CYRIA: variants seen among roughly 807,000 people sequenced by gnomAD.
CYRIA encodes CYFIP-related Rac1 interactor A.
A neutral mutation model predicts 43.9 loss-of-function variants in CYRIA; 15 were observed. The ratio of observed to expected loss-of-function variants is 0.34; its 90% CI spans 0.23 to 0.53. CYRIA has a LOEUF of 0.53. Among genes scored for constraint, CYRIA ranks in the 20% least tolerant of loss-of-function variants. CYRIA has a pLI of 0.94. For synonymous variants in CYRIA, 117 were observed against 136.0 expected, an observed-to-expected ratio of 0.86 and a Z score of 0.97; for missense variants, 236 against 394.2, an observed-to-expected ratio of 0.60 and a Z score of 3.40.
At chr2:16,633,472 G>A (rs1404593593) in intron 1 of CYRIA, among the ~76,000 whole-genome samples, 1 of 151,222 alleles carries the variant, frequency 6.6e-6, no homozygotes, top group African/African-American at 2.4e-5. Context: ...GGAGTTCAGT[G>A]GCGTGATCTT....
Position 16,552,756 on chromosome 2 carries a change from A to G in CYRIA, c.*180T>C. The stretch of plus-strand genomic sequence containing the variant: ...TCAGACATCAAAGGTAAGGCTCTCA[A>G]GTCAATTTATGCTCTGCTGGGTTGA... On this transcript the variant is annotated 3_prime_UTR_variant, in exon 12 of 12. Transcript: ENST00000381323. The G allele has an allele frequency of 3.9e-6, 2 of 514,570 alleles. No individual in the cohort carries two copies. Among genetic ancestry groups the G allele is most frequent in the South Asian group, 3.0e-5 (1 of 33,792 alleles). 31.9% of individuals were successfully genotyped at this position (514,570 alleles called of 1,614,324 possible). A position where few individuals can be genotyped will look rare whatever the true frequency, so the allele number is the denominator to read the frequency against.
chr2:16,603,070 A>C (rs1183956627), intron 2 of CYRIA, among the ~76,000 whole-genome samples: 2 of 152,100 alleles, frequency 1.3e-5, no homozygotes, highest in Non-Finnish European at 2.9e-5. Flanking sequence ...CAAATCTGAG[A>C]TACTACTTCC....
At chr2:16,622,731 T>C (rs1669037056) in intron 2 of CYRIA, among the ~76,000 whole-genome samples, 1 of 152,192 alleles carries the variant, frequency 6.6e-6, no homozygotes, top group Admixed American at 6.5e-5. Flanking sequence ...TGAAGTCATG[T>C]GTGTCTAAGT....
At chr2:16,665,604 G>A (rs952924802) in intron 1 of CYRIA, among the ~76,000 whole-genome samples, 176 bp downstream of exon 1, 2 of 151,760 alleles carry the variant, frequency 1.3e-5, no homozygotes, top group African/African-American at 2.4e-5. Context: ...GCTCCCGGAC[G>A]GTGTCCTCCG....
At chr2:16,580,009 G>A (rs1248651515) in intron 3 of CYRIA, among the ~76,000 whole-genome samples, 1 of 151,458 alleles carries the variant, frequency 6.6e-6, no homozygotes, top group East Asian at 1.9e-4. Context: ...CTGCAGTGGT[G>A]TGATCTCAGA....
chr2:16,618,781 G>A (rs760698610), intron 2 of CYRIA, among the ~76,000 whole-genome samples: 79 of 152,142 alleles, frequency 5.2e-4, no homozygotes, highest in South Asian at 8.3e-4. Context: ...GCATGTGAGC[G>A]GACCCCCGAA....
intron 4 of CYRIA, 62 bp downstream of exon 4, chr2:16,565,584 T>G (rs1666899267): frequency 6.7e-6 from 10 of 1,481,692 alleles, no homozygotes; most frequent in Non-Finnish European, 8.2e-6. Flanking sequence ...TGTGTCTGTG[T>G]GCATGTGTGG....
chr2:16,561,610 C>A, intron 6 of CYRIA, 77 bp from the exon 7 acceptor site: 2 of 1,127,184 alleles, frequency 1.8e-6, no homozygotes, highest in Non-Finnish European at 2.7e-6. Context: ...AGCCCAGACA[C>A]TAGATTTTAT....
rs748562312 is a variant in CYRIA at position 16,561,130 on chromosome 2, A to G, written c.630+31T>C. The G allele has an allele frequency of 2.5e-6, 4 of 1,611,234 alleles. No individual in the cohort carries two copies. In the East Asian group the frequency reaches 6.7e-5, roughly 27 times the overall value. ...TGCAGCTCTTGTGTGGAATTAAGGA[A>G]AAAAGCACCTCGTTGCTCAACTTCA... On this transcript the variant is annotated intron_variant, in intron 8 of 11. Coordinates refer to ENST00000381323, the MANE Select transcript of CYRIA (RefSeq NM_030797.4).
intron 1 of CYRIA, among the ~76,000 whole-genome samples, chr2:16,635,685 A>G (rs1179030620): frequency 6.6e-6 from 1 of 152,072 alleles, no homozygotes; most frequent in African/African-American, 2.4e-5. Context: ...AGCCCTGGAG[A>G]CTCAGATTAG....
rs182575712 is a variant in CYRIA at position 16,590,192 on chromosome 2, T to G, written c.-10-2063A>C. ...TCCCTGCCTTTATGCCCATTTCCTTTTAAGATATTTTTGAGCAAAATCCTG... is the reference window on the plus strand; with the variant it reads ...TCCCTGCCTTTATGCCCATTTCCTTGTAAGATATTTTTGAGCAAAATCCTG... On this transcript the variant is annotated intron_variant, in intron 2 of 11. Transcript: ENST00000381323. Among the ~76,000 whole-genome samples the G allele has an allele frequency of 2.6e-5, 4 of 152,250 alleles. No homozygotes were observed. The East Asian group carries it at 7.7e-4, about 29-fold the overall frequency.
rs76092983 is a variant in CYRIA, at chr2:16,558,135, G to A, written c.837+1325C>T. ...TACACATGCATGCTGCTGTATGAAC[G>A]GTGATCCTCTGCCTATGGTGAGGTT... On this transcript the variant is annotated intron_variant, in intron 10 of 11. Coordinates refer to ENST00000381323, the MANE Select transcript of CYRIA (RefSeq NM_030797.4). 5.9e-3 allele frequency among the ~76,000 whole-genome samples: 900 copies of A among 152,176 alleles called. 7 individuals are homozygous for A. The highest frequency in any genetic ancestry group is 0.021 in the African/African-American group (871 of 41,512).
intron 2 of CYRIA, among the ~76,000 whole-genome samples, chr2:16,589,823 AG>A (rs2103461805): frequency 6.6e-6 from 1 of 152,232 alleles, no homozygotes; most frequent in East Asian, 1.9e-4. Context: ...ATGCTGTGCT[AG>A]GAAAGAGAAG....
intron 1 of CYRIA, among the ~76,000 whole-genome samples, chr2:16,635,519 A>C (rs1337955684): frequency 6.6e-6 from 1 of 152,202 alleles, no homozygotes; most frequent in East Asian, 1.9e-4. Flanking sequence ...AAACGTGTCT[A>C]GTTGAAATAG....
At chr2:16,663,705 C>G (rs1572212837) in intron 1 of CYRIA, among the ~76,000 whole-genome samples, 2 of 152,208 alleles carry the variant, frequency 1.3e-5, no homozygotes, top group East Asian at 3.9e-4. Flanking sequence ...TTGCTCTGCT[C>G]TCAGCTGGGG....
intron 1 of CYRIA, among the ~76,000 whole-genome samples, chr2:16,629,953 A>G (rs1369516841): frequency 6.6e-6 from 1 of 152,186 alleles, no homozygotes; most frequent in Non-Finnish European, 1.5e-5. Context: ...GAAGCCGAGC[A>G]TGGAAGAAGC....
At chr2:16,603,633 C>T (rs1668282264) in intron 2 of CYRIA, among the ~76,000 whole-genome samples, 1 of 152,202 alleles carries the variant, frequency 6.6e-6, no homozygotes, top group Non-Finnish European at 1.5e-5. Context: ...CCTAACATGT[C>T]TTGTGGGCCA....
chr2:16,623,428 C>G (rs1018251273), intron 2 of CYRIA, among the ~76,000 whole-genome samples: 2 of 152,202 alleles, frequency 1.3e-5, no homozygotes, highest in African/African-American at 2.4e-5. Context: ...TTGGATGAAA[C>G]TTCATGAACT....
intron 2 of CYRIA, among the ~76,000 whole-genome samples, chr2:16,591,824 T>C (rs1167661974): frequency 6.6e-6 from 1 of 152,126 alleles, no homozygotes; most frequent in Non-Finnish European, 1.5e-5. Context: ...TACTTAAATA[T>C]AGTATGTTGT....
Sources: allele counts gnomAD v4.1 joint callset (sites outside exome capture counted in the v4.1 genomes callset), GRCh38; gene constraint gnomAD v4.1.1; transcripts MANE v1.5; gene names NCBI Gene and HGNC (gene_info 2026-07-23, HGNC 2026-07-21).